The following TGFBR2 variants were observed in gnomAD, a reference collection of about 807,000 sequenced individuals.
The protein encoded by TGFBR2 is TGF-beta receptor type-2.
In TGFBR2, 18 loss-of-function variants were observed where a neutral mutation model predicts 49.0. The observed-to-expected ratio is 0.37, with a 90% CI of 0.25 to 0.54. The LOEUF (loss-of-function observed/expected upper bound fraction) is 0.54. Ranked by LOEUF, TGFBR2 falls within the 20% of genes least tolerant of loss-of-function variation. The pLI is 0.85. For missense variants in TGFBR2, 525 were observed against 722.6 expected (o/e 0.73, Z 3.13); for synonymous variants, 282 against 275.9 (o/e 1.02, Z -0.22).
intron 1 of TGFBR2, among the ~76,000 whole-genome samples, chr3:30,617,972 G>T (rs1313198280): frequency 6.6e-6 from 1 of 152,130 alleles, no homozygotes; most frequent in Non-Finnish European, 1.5e-5. Context: ...ATCACATCAG[G>T]CTTGTTTCTG....
chr3:30,655,002 G>T (rs1012310824), intron 3 of TGFBR2, among the ~76,000 whole-genome samples: 27 of 152,154 alleles, frequency 1.8e-4, no homozygotes, highest in Non-Finnish European at 3.7e-4. Context: ...TGGATTTAAG[G>T]CTTATTCTAC....
chr3:30,681,848 G>C (rs1699547548), intron 5 of TGFBR2, among the ~76,000 whole-genome samples: 1 of 152,162 alleles, frequency 6.6e-6, no homozygotes, highest in Non-Finnish European at 1.5e-5. Context: ...AGTACTAGTA[G>C]TTTATTTGGG....
rs138625498 is a variant in TGFBR2, at chr3:30,652,749, A to G, written c.454+2289A>G. Among the ~76,000 whole-genome samples the G allele has an allele frequency of 5.3e-3, 801 of 152,300 alleles. 6 individuals carry two copies. The highest frequency in any genetic ancestry group is 7.5e-3 in the Non-Finnish European group (511 of 68,020). ...TGAAGAAACTTTTCTCTCCTTCTGT[A>G]TACCAGCTTGTCTACAGTAGACAAG... On this transcript the variant is annotated intron_variant, in intron 3 of 6. Coordinates refer to ENST00000295754, the MANE Select transcript of TGFBR2 (RefSeq NM_003242.6).
rs182147444 is a variant in TGFBR2, at chr3:30,682,272, A to G, written c.1397-6112A>G. Among the ~76,000 whole-genome samples, 348 of 152,354 alleles carry G rather than the reference A, an allele frequency of 2.3e-3. 1 individual carries two copies. Among genetic ancestry groups the G allele is most frequent in the African/African-American group, 8.2e-3 (341 of 41,590 alleles). ...AGGAAGTGAGGCACAAACTCTTGGCATCTCTTTTCTAAGTCCTCATATCTA... is the reference window on the plus strand; with the variant it reads ...AGGAAGTGAGGCACAAACTCTTGGCGTCTCTTTTCTAAGTCCTCATATCTA... On this transcript the variant is annotated intron_variant, in intron 5 of 6. Transcript: ENST00000295754.
intron 1 of TGFBR2, among the ~76,000 whole-genome samples, chr3:30,628,692 C>G (rs368023019): frequency 6.6e-6 from 1 of 151,966 alleles, no homozygotes. Context: ...AGGAGTCAGA[C>G]GAGCCTTACA....
chr3:30,621,179 G>A (rs1698223588), intron 1 of TGFBR2, among the ~76,000 whole-genome samples: 1 of 152,034 alleles, frequency 6.6e-6, no homozygotes, highest in African/African-American at 2.4e-5. Flanking sequence ...TGGGAATTCT[G>A]GAGCTACCAC....
chr3:30,607,124 A>C, intron 1 of TGFBR2, 147 bp downstream of exon 1: 2 of 648,416 alleles, frequency 3.1e-6, no homozygotes, highest in Admixed American at 2.7e-5. Flanking sequence ...ACGCAGCCCG[A>C]CTCCCGTAGC....
Position 30,650,395 on chromosome 3 carries a change from G to T in TGFBR2, c.389G>T (p.Gly130Val), listed in dbSNP as rs1698859109. ...KCIMKEKKKP[G>V]ETFFMCSCSS... ...ATTATGAAGGAAAAAAAAAAGCCTG[G>T]TGAGACTTTCTTCATGTGTTCCTGT... Residue 130 changes from glycine to valine, a missense_variant, in exon 3 of 7, where the codon GGT becomes GTT. By Grantham distance (109) the Gly-to-Val change is moderately radical. Transcript: ENST00000295754. 6.2e-7 allele frequency: 1 copy of T among 1,614,036 alleles called. No homozygotes were observed. Among genetic ancestry groups the T allele is most frequent in the South Asian group, 1.1e-5 (1 of 91,080 alleles).
rs114660196 is a variant in TGFBR2 at position 30,613,419 on chromosome 3, T to G, written c.94+6442T>G. On this transcript the variant is annotated intron_variant, in intron 1 of 6. Coordinates refer to ENST00000295754, the MANE Select transcript of TGFBR2 (RefSeq NM_003242.6). The stretch of plus-strand genomic sequence containing the variant: ...CCTGAACTGGTATCTGCAGTTTGCA[T>G]GGATCCTTGAAGCCATCTTCCTGAA... 5.1e-3 allele frequency among the ~76,000 whole-genome samples: 779 copies of G among 152,264 alleles called. 10 individuals are homozygous for G. Among genetic ancestry groups the G allele is most frequent in the African/African-American group, 0.018 (746 of 41,542 alleles).
At chr3:30,687,018 A>G (rs963913893) in intron 5 of TGFBR2, among the ~76,000 whole-genome samples, 2 of 152,230 alleles carry the variant, frequency 1.3e-5, no homozygotes, top group Non-Finnish European at 2.9e-5. Flanking sequence ...AAGGGACTCA[A>G]CTTGCACCCA....
intron 2 of TGFBR2, among the ~76,000 whole-genome samples, chr3:30,645,705 C>T (rs534400188): frequency 1.1e-4 from 17 of 152,072 alleles, no homozygotes; most frequent in Non-Finnish European, 1.8e-4. Context: ...AGGCTGGTCT[C>T]GAACTCCCGA....
Position 30,672,537 on chromosome 3 carries a change from T to A in TGFBR2, c.1254+100T>A. On this transcript the variant is annotated intron_variant, in intron 4 of 6. Transcript: ENST00000295754. This position sits in a 1 kb window ranked among gnomAD's most constrained non-coding sequence, Gnocchi z 4.5. ...GCTCTTATCTCAAACAGCCCTGTACTCTGGACACTGGTCTAGGGAATCTAG... is the reference window on the plus strand; with the variant it reads ...GCTCTTATCTCAAACAGCCCTGTACACTGGACACTGGTCTAGGGAATCTAG... 7.6e-7 allele frequency: 1 copy of A among 1,307,302 alleles called. No homozygotes were observed. 81.0% of individuals were successfully genotyped at this position (1,307,302 alleles called of 1,614,324 possible).
chr3:30,608,496 T>C (rs1423067026), intron 1 of TGFBR2, among the ~76,000 whole-genome samples: 1 of 152,006 alleles, frequency 6.6e-6, no homozygotes, highest in Non-Finnish European at 1.5e-5. Flanking sequence ...TGTAGAGGAG[T>C]TGACAGTCCA....
chr3:30,642,997 A>G (rs1046895538), intron 1 of TGFBR2, among the ~76,000 whole-genome samples: 12 of 152,274 alleles, frequency 7.9e-5, no homozygotes, highest in African/African-American at 2.2e-4. Context: ...TTTTTCTTCT[A>G]TATTTACTGT....
chr3:30,655,477 G>C (rs1248922113), intron 3 of TGFBR2, among the ~76,000 whole-genome samples: 1 of 152,144 alleles, frequency 6.6e-6, no homozygotes, highest in Non-Finnish European at 1.5e-5. Context: ...CCACATCCCT[G>C]TCATTGTTGG....
intron 3 of TGFBR2, among the ~76,000 whole-genome samples, chr3:30,668,283 T>A (rs1437822724): frequency 6.6e-6 from 1 of 152,238 alleles, no homozygotes; most frequent in African/African-American, 2.4e-5. Flanking sequence ...GCCACTACCC[T>A]GCTTTGTCAG....
In TGFBR2 at chr3:30,650,316, C is replaced by T. The variant is rs193922665; in HGVS notation, c.310C>T (p.Pro104Ser). ...AACACTAGAGACAGTTTGCCATGAC[C>T]CCAAGCTCCCCTACCATGACTTTAT... ...NITLETVCHD[P>S]KLPYHDFILE... The change falls in exon 3 of 7, where the codon CCC (proline) becomes TCC (serine). Residue 104 changes from proline (P) to serine (S), a missense_variant. Physicochemically the swap from Pro to Ser is moderately conservative, Grantham distance 74 (BLOSUM62 -1). Coordinates refer to ENST00000295754, the MANE Select transcript of TGFBR2 (RefSeq NM_003242.6). 1.9e-6 allele frequency: 3 copies of T among 1,613,974 alleles called. No homozygotes were observed. The highest frequency in any genetic ancestry group is 3.3e-5 in the Admixed American group (2 of 59,996).
intron 3 of TGFBR2, among the ~76,000 whole-genome samples, chr3:30,670,342 T>C (rs1699316420): frequency 6.6e-6 from 1 of 152,214 alleles, no homozygotes; most frequent in South Asian, 2.1e-4. Flanking sequence ...TGCTTACTTG[T>C]ATATATGCCC....
chr3:30,664,909 T>C (rs1699217309), intron 3 of TGFBR2, among the ~76,000 whole-genome samples: 1 of 152,288 alleles, frequency 6.6e-6, no homozygotes, highest in Non-Finnish European at 1.5e-5. Flanking sequence ...ATTTGGGAGA[T>C]AGGCTCCTAC....
Sources: gnomAD v4.1 joint callset for allele counts (sites outside exome capture counted in the v4.1 genomes callset) on GRCh38, gnomAD v4.1.1 for gene constraint, Gnocchi (gnomAD v3.1) non-coding constraint, MANE v1.5 for transcripts, NCBI Gene and HGNC (gene_info 2026-07-23, HGNC 2026-07-21) for gene names.